Variants in PCDHGA3 observed in about 807,000 individuals in gnomAD.
PCDHGA3 encodes the protein protocadherin gamma-A3.
A neutral mutation model predicts 58.5 loss-of-function variants in PCDHGA3; 40 were observed. The ratio of observed to expected loss-of-function variants is 0.68; its 90% CI spans 0.53 to 0.89. The LOEUF is 0.89. PCDHGA3 is among the 40% of genes least tolerant of loss of function. PCDHGA3 has a pLI of 0.00. For missense variants in PCDHGA3, 1,223 were observed against 1,195.9 expected, an observed-to-expected ratio of 1.02 and a Z score of -0.33; for synonymous variants, 530 against 525.7, an observed-to-expected ratio of 1.01 and a Z score of -0.11.
intron 1 of PCDHGA3, among the ~76,000 whole-genome samples, chr5:141,434,567 C>T (rs1220152239): frequency 6.6e-6 from 1 of 152,206 alleles, no homozygotes; most frequent in East Asian, 1.9e-4. Flanking sequence ...TAAGGACATG[C>T]CCCTGCTGCA....
rs1485520054 is a variant in PCDHGA3 at position 141,511,210 on chromosome 5, C to T, written c.*37C>T. 6.2e-7 allele frequency: 1 copy of T among 1,609,328 alleles called. No individual in the cohort carries two copies. The highest frequency in any genetic ancestry group is 1.3e-5 in the African/African-American group (1 of 74,896). ...GGCCAAGAGCCACAGGGCGGCCTCT[C>T]CCCAACCAGCCCAGCTTCTCCTTAC... On this transcript the variant is annotated 3_prime_UTR_variant, in exon 4 of 4. Transcript: ENST00000253812.
intron 1 of PCDHGA3, chr5:141,356,070 G>A (rs1284075623): frequency 1.9e-6 from 3 of 1,613,902 alleles, no homozygotes; most frequent in East Asian, 2.2e-5. Flanking sequence ...AAATATCACA[G>A]CTATTTCAGT....
chr5:141,360,990 C>A lies in PCDHGA3; in HGVS notation c.2424+14533C>A. On this transcript the variant is annotated intron_variant, in intron 1 of 3. Transcript: ENST00000253812. ...TCACCTACTCCTTTCATAATGTGGA[C>A]GAACAAGTGAAACACTTTTTCAACT... 1.2e-6 allele frequency: 2 copies of A among 1,613,454 alleles called. No individual in the cohort carries two copies. The highest frequency in any genetic ancestry group is 1.3e-5 in the African/African-American group (1 of 75,006).
rs201673318 is a variant in PCDHGA3, at chr5:141,421,626, C to G, written c.2425-73181C>G. On this transcript the variant is annotated intron_variant, in intron 1 of 3. Coordinates refer to ENST00000253812, the MANE Select transcript of PCDHGA3 (RefSeq NM_018916.4). ...TAGATATTAATGATAACGCCCCCAG[C>G]TTCCAGGAGGACGAAGTGGAGATAA... 1.9e-6 allele frequency: 3 copies of G among 1,613,842 alleles called. No individual in the cohort carries two copies. In the African/African-American group the frequency reaches 4.0e-5, roughly 21 times the overall value.
At chr5:141,423,444 A>C (rs1340932902) in intron 1 of PCDHGA3, 1 of 1,614,050 alleles carries the variant, frequency 6.2e-7, no homozygotes. Flanking sequence ...TGCCCACGTC[A>C]CATTTTGTAG....
At chr5:141,350,125 A>G in intron 1 of PCDHGA3, 1 of 669,790 alleles carries the variant, frequency 1.5e-6, no homozygotes, top group Non-Finnish European at 2.3e-6. Flanking sequence ...CGGTGCACTG[A>G]GCACAGACGC....
chr5:141,414,649 AT>A (rs1410490912), intron 1 of PCDHGA3: 15 of 1,613,914 alleles, frequency 9.3e-6, no homozygotes, highest in Non-Finnish European at 1.3e-5. Context: ...TGCCCAGATT[AT>A]TTACTCCCTG....
intron 1 of PCDHGA3, chr5:141,393,362 G>C (rs1377325166): frequency 5.0e-6 from 8 of 1,613,978 alleles, no homozygotes; most frequent in Non-Finnish European, 6.8e-6. Context: ...TGGACGTGCA[G>C]ACTGGAGACA....
intron 1 of PCDHGA3, among the ~76,000 whole-genome samples, chr5:141,435,885 C>T (rs2097784639): frequency 6.6e-6 from 1 of 152,088 alleles, no homozygotes; most frequent in Non-Finnish European, 1.5e-5. Context: ...TTGGAAACCC[C>T]TTAGAGAATG....
rs760680204 is a variant in PCDHGA3, at chr5:141,477,505, CG to C, written c.2425-17301del. ...CACAATCTTCTCAATCTTCCTACGA[CG>C]TTTACATTGAAGAAAACAACCTCCC... On this transcript the variant is annotated intron_variant, in intron 1 of 3. Coordinates refer to ENST00000253812, the MANE Select transcript of PCDHGA3 (RefSeq NM_018916.4). The surrounding 1 kb of genome is among the most constrained non-coding windows in gnomAD (Gnocchi z 4.9). The C allele has an allele frequency of 1.2e-5, 19 of 1,614,008 alleles. No individual in the cohort carries two copies. The highest frequency in any genetic ancestry group is 8.5e-7 in the Non-Finnish European group (1 of 1,180,018).
intron 1 of PCDHGA3, chr5:141,375,379 G>C (rs763011403): frequency 1.2e-6 from 2 of 1,613,794 alleles, no homozygotes; most frequent in Non-Finnish European, 1.7e-6. Context: ...CACCACCTCT[G>C]TCTACAGAAA....
intron 1 of PCDHGA3, among the ~76,000 whole-genome samples, chr5:141,492,893 C>T (rs936521362): frequency 2.0e-5 from 3 of 152,178 alleles, no homozygotes; most frequent in Admixed American, 6.5e-5. Flanking sequence ...AGGCTTTTGG[C>T]GCCGTCGTGA....
intron 1 of PCDHGA3, chr5:141,364,204 A>G (rs1763216193): frequency 8.7e-7 from 1 of 1,155,836 alleles, no homozygotes; most frequent in Non-Finnish European, 1.2e-6. Context: ...CAGACCAGAC[A>G]AGCTCCTACG....
intron 1 of PCDHGA3, among the ~76,000 whole-genome samples, chr5:141,349,249 T>G (rs1037836066): frequency 1.3e-5 from 2 of 152,154 alleles, no homozygotes; most frequent in Admixed American, 1.3e-4. Context: ...TTTATTTTTT[T>G]TAGTAGAGAT....
chr5:141,422,310 T>A, intron 1 of PCDHGA3: 1 of 1,546,532 alleles, frequency 6.5e-7, no homozygotes, highest in Non-Finnish European at 8.7e-7. Flanking sequence ...TGGAAAACTC[T>A]CCTCCAGGTA....
chr5:141,431,424 G>T lies in PCDHGA3; in HGVS notation c.2425-63383G>T, dbSNP rs747132868. 6.8e-6 allele frequency: 11 copies of T among 1,613,676 alleles called. No homozygotes were observed. The highest frequency in any genetic ancestry group is 5.9e-6 in the Non-Finnish European group (7 of 1,180,028). On this transcript the variant is annotated intron_variant, in intron 1 of 3. Coordinates refer to ENST00000253812, the MANE Select transcript of PCDHGA3 (RefSeq NM_018916.4). The surrounding 1 kb of genome is among the most constrained non-coding windows in gnomAD (Gnocchi z 4.8). ...GCCTCCGACGGGGGCGACCCGGTGC[G>T]CACAGGCACCGCGCGCATCCGCGTG...
At chr5:141,406,547 A>G (rs1414255326) in intron 1 of PCDHGA3, among the ~76,000 whole-genome samples, 1 of 152,216 alleles carries the variant, frequency 6.6e-6, no homozygotes, top group Non-Finnish European at 1.5e-5. Flanking sequence ...TTCAAACTTC[A>G]GTTATCCACT....
intron 1 of PCDHGA3, chr5:141,422,579 C>T: frequency 6.2e-7 from 1 of 1,614,052 alleles, no homozygotes; most frequent in Non-Finnish European, 8.5e-7. Flanking sequence ...GATAACCCTC[C>T]CGTTTTTCCT....
chr5:141,347,553 G>C (rs567924873), intron 1 of PCDHGA3, among the ~76,000 whole-genome samples: 92 of 152,228 alleles, frequency 6.0e-4, no homozygotes, highest in African/African-American at 2.1e-3. Flanking sequence ...TTGGGAGGCT[G>C]AGGCAGGTGG....
Sources: gnomAD v4.1 joint callset for allele counts (sites outside exome capture counted in the v4.1 genomes callset) on GRCh38, gnomAD v4.1.1 for gene constraint, Gnocchi (gnomAD v3.1) non-coding constraint, MANE v1.5 for transcripts, NCBI Gene and HGNC (gene_info 2026-07-23, HGNC 2026-07-21) for gene names.